The following SAMD9 variants were observed in gnomAD, a reference collection of about 807,000 sequenced individuals.
SAMD9 encodes sterile alpha motif domain-containing protein 9.
A neutral mutation model predicts 1.5 loss-of-function variants in SAMD9; 3 were observed. The observed-to-expected ratio is 2.05, with a 90% CI of 0.93 to 5.29. The LOEUF (loss-of-function observed/expected upper bound fraction) is 5.29, where lower values mean the gene tolerates loss of function less well. Among genes scored for constraint, SAMD9 ranks in the 30% most tolerant of loss-of-function variants. The probability of loss-of-function intolerance (pLI) is 0.02; values close to 1 mark genes in which losing one functional copy is unlikely to be tolerated. For missense variants in SAMD9, 1,597 were observed against 1,820.8 expected, an observed-to-expected ratio of 0.88 and a Z score of 2.24; for synonymous variants, 635 against 631.9, an observed-to-expected ratio of 1.00 and a Z score of -0.07.
At chr7:93,109,761 G>T (rs958982082) in intron 2 of SAMD9, among the ~76,000 whole-genome samples, 1 of 152,094 alleles carries the variant, frequency 6.6e-6, no homozygotes, top group Non-Finnish European at 1.5e-5. Flanking sequence ...TAGAGAAAAA[G>T]AAGTAAAAAG....
At chr7:93,112,639 A>G (rs1268651916) in intron 2 of SAMD9, among the ~76,000 whole-genome samples, 3 of 152,210 alleles carry the variant, frequency 2.0e-5, no homozygotes, top group East Asian at 1.9e-4. Flanking sequence ...AAAAATCACA[A>G]GCATTCCTAT....
In SAMD9 at chr7:93,101,816, A is replaced by G; in HGVS notation, c.4282T>C (p.Phe1428Leu). ...GAAGCTAGAAAATACGGTTCTGAAA[A>G]CTGATAAGTCAGTCCTATTGGTTGC... ...VLQPIGLTYQ[F>L]SEPYFLASLL... Residue 1428 changes from phenylalanine (F) to leucine (L), a missense_variant, in exon 3 of 3, where the codon TTT (phenylalanine) becomes CTT (leucine). This residue lies in a region of SAMD9 where 682 missense variants were observed against 810.0 expected (regional missense o/e 0.84). Coordinates refer to ENST00000379958, the MANE Select transcript of SAMD9 (RefSeq NM_017654.4). The G allele has an allele frequency of 6.2e-7, 1 of 1,613,904 alleles. No homozygotes were observed. The highest frequency in any genetic ancestry group is 8.5e-7 in the Non-Finnish European group (1 of 1,179,800).
At chr7:93,114,680 A>T (rs1372847548) in intron 2 of SAMD9, 115 bp downstream of exon 2, 1 of 152,206 alleles carries the variant, frequency 6.6e-6, no homozygotes, top group East Asian at 1.9e-4. Context: ...CCAAAAAATA[A>T]AAAAGAAAGG....
rs2116412666 is a variant in SAMD9, at chr7:93,101,874, A to G, written c.4224T>C (p.Val1408=). The G allele has an allele frequency of 1.2e-6, 2 of 1,613,904 alleles. No individual in the cohort carries two copies. The highest frequency in any genetic ancestry group is 1.7e-6 in the Non-Finnish European group (2 of 1,179,792). Residue 1408 remains valine (V), a synonymous_variant, in exon 3 of 3, where the codon GTT becomes GTC. Transcript: ENST00000379958. ...IQPTSRLVKP[V]EKLKDQLREV... is the part of the protein sequence containing the mutation. ...CTCGAAGCTGATCTTTTAGTTTTTCAACTGGCTTTACTAATCTGGAGGTAG... is the reference window on the plus strand; with the variant it reads ...CTCGAAGCTGATCTTTTAGTTTTTCGACTGGCTTTACTAATCTGGAGGTAG...
intron 2 of SAMD9, among the ~76,000 whole-genome samples, chr7:93,112,703 A>G (rs1791766594): frequency 6.6e-6 from 1 of 152,208 alleles, no homozygotes; most frequent in African/African-American, 2.4e-5. Context: ...CCCATTCACA[A>G]TTGCTTCAAA....
In SAMD9 at chr7:93,101,943, CT is replaced by C; in HGVS notation, c.4154del (p.Lys1385SerfsTer2). On this transcript the variant is annotated frameshift_variant, in exon 3 of 3. Transcript: ENST00000379958. LOFTEE classifies it low-confidence loss of function (END_TRUNC). The stretch of plus-strand genomic sequence containing the variant: ...TAATGTTGGCCAAGATGAAATTTAG[CT>C]TTTCTTTTGACTGGATTTTGACAGT... The part of the protein sequence containing the change: ...QCTVKIQSKE[K>X]LNFILANIIL... The C allele has an allele frequency of 6.2e-7, 1 of 1,613,792 alleles. No individual in the cohort carries two copies.
At chr7:93,116,335 A>T (rs1791832538) in intron 1 of SAMD9, among the ~76,000 whole-genome samples, 1 of 152,176 alleles carries the variant, frequency 6.6e-6, no homozygotes. Context: ...AGTGTGGGGG[A>T]TGGAGAACTG....
chr7:93,100,952 C>G lies in SAMD9; in HGVS notation c.*376G>C. 4.1e-6 allele frequency: 1 copy of G among 241,426 alleles called. No homozygotes were observed. The highest frequency in any genetic ancestry group is 8.1e-6 in the Non-Finnish European group (1 of 123,230). The allele number at this position is 241,426 out of a possible 1,614,324, so 15.0% of individuals were successfully genotyped here. ...TGTCTTTGAGAAATATTTTCCCAGA[C>G]ATTCTAATGTCTAAATGCCATTTGA... On this transcript the variant is annotated 3_prime_UTR_variant, in exon 3 of 3. Transcript: ENST00000379958.
rs1791573839 is a variant in SAMD9 at position 93,103,461 on chromosome 7, A to G, written c.2637T>C (p.Phe879=). The change falls in exon 3 of 3, where the codon TTT becomes TTC. Residue 879 remains phenylalanine (F), a synonymous_variant. Transcript: ENST00000379958. Reference sequence around the variant, plus strand: ...TGATCATAAAGGAATAAAAATCCTCAAAGTTTTTATGCTGTTCTTTGATTT... The same window carrying G: ...TGATCATAAAGGAATAAAAATCCTCGAAGTTTTTATGCTGTTCTTTGATTT... ...LKEIKEQHKN[F]EDFYSFMIMK... The G allele has an allele frequency of 1.2e-6, 2 of 1,613,406 alleles. No homozygotes were observed. The highest frequency in any genetic ancestry group is 1.7e-6 in the Non-Finnish European group (2 of 1,179,494).
intron 2 of SAMD9, among the ~76,000 whole-genome samples, chr7:93,113,817 G>A (rs1200255618): frequency 6.6e-6 from 1 of 152,178 alleles, no homozygotes; most frequent in Non-Finnish European, 1.5e-5. Context: ...TGGAGAGGAT[G>A]TGGAAAAATA....
rs1420930481 is a variant in SAMD9, at chr7:93,100,151, A to G, written c.*1177T>C. 1 of 152,168 alleles carries G rather than the reference A, an allele frequency of 6.6e-6. No homozygotes were observed. The highest frequency in any genetic ancestry group is 6.5e-5 in the Admixed American group (1 of 15,282). 9.4% of individuals were successfully genotyped at this position (152,168 alleles called of 1,614,324 possible). ...TTGGTTGAAGAAACCAAAAAAGAAA[A>G]CCAGGTTTTTGTCCTGTGAATTTCC... is the stretch of plus-strand genomic sequence containing the variant. On this transcript the variant is annotated 3_prime_UTR_variant, in exon 3 of 3. Transcript: ENST00000379958.
chr7:93,102,440 T>C lies in SAMD9; in HGVS notation c.3658A>G (p.Lys1220Glu). The change falls in exon 3 of 3, where the codon AAA becomes GAA. Residue 1220 changes from lysine (K) to glutamate (E), a missense_variant. By Grantham distance (56) the Lys-to-Glu change is moderately conservative. Around this residue, in one of 6 missense-constraint regions of SAMD9, gnomAD observed 682 missense variants for 810.0 expected, o/e 0.84. Transcript: ENST00000379958. ...ATATATCTTTTAGATAGCTCATTTT[T>C]ATTATCAAAAAAAGGAATGAGCTGG... The part of the protein sequence containing the change: ...ILQLIPFFDN[K>E]NELSKRYMVN... The C allele has an allele frequency of 1.2e-6, 2 of 1,613,604 alleles. No individual in the cohort carries two copies. The highest frequency in any genetic ancestry group is 1.7e-6 in the Non-Finnish European group (2 of 1,179,646).
At chr7:93,117,267 G>A (rs1400032866) in intron 1 of SAMD9, among the ~76,000 whole-genome samples, 1 of 151,470 alleles carries the variant, frequency 6.6e-6, no homozygotes, top group Non-Finnish European at 1.5e-5. Flanking sequence ...GTTTGTTGTT[G>A]TTGTTGTTGT....
In SAMD9 at chr7:93,101,365, A is replaced by G. The variant is rs144380633; in HGVS notation, c.4733T>C (p.Ile1578Thr). ...AATGTCATAAGCAAGTGGGCCTCCA[A>G]TGGAAAATCCCAGGTAAAAAGACAC... ...EKVSFYLGFS[I>T]GGPLAYDIEI... Residue 1578 changes from isoleucine to threonine, a missense_variant, in exon 3 of 3, where the codon ATT (isoleucine) becomes ACT (threonine). Physicochemically the swap from Ile to Thr is moderately conservative, Grantham distance 89. Transcript: ENST00000379958. 8.4e-3 allele frequency: 13,479 copies of G among 1,613,408 alleles called. 70 individuals carry two copies. Among genetic ancestry groups the G allele is most frequent in the Non-Finnish European group, 0.01 (12,058 of 1,179,648 alleles).
intron 2 of SAMD9, among the ~76,000 whole-genome samples, chr7:93,112,292 G>A (rs1267588648): frequency 1.2e-4 from 19 of 152,290 alleles, no homozygotes; most frequent in South Asian, 1.2e-3. Context: ...ACTAGGTATT[G>A]ATGGGACATA....
chr7:93,116,142 C>G (rs935992307), intron 1 of SAMD9, among the ~76,000 whole-genome samples: 1 of 152,180 alleles, frequency 6.6e-6, no homozygotes, highest in Non-Finnish European at 1.5e-5. Context: ...TACCCTTTTC[C>G]TAGGGTCTCC....
In SAMD9 at chr7:93,101,357, G is replaced by T; in HGVS notation, c.4741C>A (p.Pro1581Thr). Residue 1581 changes from proline (P) to threonine (T), a missense_variant, in exon 3 of 3, where the codon CCA becomes ACA. By Grantham distance (38) the Pro-to-Thr change is conservative. Transcript: ENST00000379958. The stretch of plus-strand genomic sequence containing the variant: ...ACAATTTCAATGTCATAAGCAAGTG[G>T]GCCTCCAATGGAAAATCCCAGGTAA... ...SFYLGFSIGG[P>T]LAYDIEIV 7 of 1,612,886 alleles carry T rather than the reference G, an allele frequency of 4.3e-6. No individual in the cohort carries two copies. The highest frequency in any genetic ancestry group is 5.9e-6 in the Non-Finnish European group (7 of 1,179,536).
chr7:93,117,608 C>T (rs1469131186), intron 1 of SAMD9, among the ~76,000 whole-genome samples: 1 of 152,052 alleles, frequency 6.6e-6, no homozygotes, highest in Non-Finnish European at 1.5e-5. Context: ...TGCTGTATGC[C>T]TTGGGAGAGT....
intron 2 of SAMD9, among the ~76,000 whole-genome samples, chr7:93,112,985 C>A (rs746109750): frequency 6.6e-6 from 1 of 152,128 alleles, no homozygotes; most frequent in African/African-American, 2.4e-5. Flanking sequence ...AAAAAGAGCC[C>A]GCGTTGCCAA....
Sources: allele counts gnomAD v4.1 joint callset (sites outside exome capture counted in the v4.1 genomes callset), GRCh38; gene constraint gnomAD v4.1.1; regional missense constraint gnomAD v4.1.1; transcripts MANE v1.5; gene names NCBI Gene and HGNC (gene_info 2026-07-23, HGNC 2026-07-21).